KCNT1: variants seen among roughly 807,000 people sequenced by gnomAD.
The protein encoded by KCNT1 is potassium sodium-activated channel subfamily T member 1.
Under a neutral mutation model 147.8 loss-of-function variants are expected in KCNT1, and 78 were observed. The observed-to-expected ratio is 0.53, with a 90% CI of 0.44 to 0.64. The LOEUF is 0.64. Ranked by LOEUF, KCNT1 falls within the 30% of genes least tolerant of loss-of-function variation. The probability of loss-of-function intolerance (pLI) is 0.00; values close to 1 mark genes in which losing one functional copy is unlikely to be tolerated. For missense variants in KCNT1, 1,419 were observed against 1,750.3 expected, an observed-to-expected ratio of 0.81 and a Z score of 3.38; for synonymous variants, 867 against 748.8, an observed-to-expected ratio of 1.16 and a Z score of -2.58.
In KCNT1 at chr9:135,765,044, T is replaced by C. The variant is rs1329791962; in HGVS notation, c.1049T>C (p.Val350Ala). The C allele has an allele frequency of 6.2e-7, 1 of 1,609,090 alleles. No individual in the cohort carries two copies. The highest frequency in any genetic ancestry group is 8.5e-7 in the Non-Finnish European group (1 of 1,176,466). The change falls in exon 12 of 31, where the codon GTC becomes GCC. Residue 350 changes from valine (V) to alanine (A), a missense_variant. This residue lies in a region of KCNT1 where 401 missense variants were observed against 610.6 expected (regional missense o/e 0.66). Transcript: ENST00000371757. ...VVLPLQFEEL[V>A]YLWMERQKSG... ...TCTCACCTGCAGTTCGAGGAGCTCG[T>C]CTACCTCTGGATGGAGCGGCAGAAG...
intron 21 of KCNT1, 28 bp downstream of exon 21, chr9:135,777,538 C>T (rs368296747): frequency 1.6e-5 from 25 of 1,600,556 alleles, no homozygotes; most frequent in African/African-American, 1.3e-4. Context: ...CAGCCCACCC[C>T]GCCCACCCGG....
chr9:135,716,833 T>C (rs1157474171), intron 2 of KCNT1, among the ~76,000 whole-genome samples: 1 of 152,234 alleles, frequency 6.6e-6, no homozygotes, highest in Admixed American at 6.5e-5. Flanking sequence ...TGGTTGGAAA[T>C]GAAGTATACA....
At chr9:135,724,244 G>A (rs890440987) in intron 2 of KCNT1, among the ~76,000 whole-genome samples, 5 of 152,244 alleles carry the variant, frequency 3.3e-5, no homozygotes, top group African/African-American at 9.6e-5. Flanking sequence ...TTTCATCCCC[G>A]GAGGCCAGGC....
intron 16 of KCNT1, 29 bp downstream of exon 16, chr9:135,770,084 C>T (rs1236611139): frequency 1.3e-6 from 2 of 1,529,942 alleles, no homozygotes; most frequent in African/African-American, 1.4e-5. Context: ...GGGGGACCGA[C>T]CTCCATGGCG....
At chr9:135,764,848 A>G (rs142629489) in intron 11 of KCNT1, among the ~76,000 whole-genome samples, 183 bp from the exon 12 acceptor site, 3 of 152,150 alleles carry the variant, frequency 2.0e-5, no homozygotes, top group African/African-American at 7.2e-5. Flanking sequence ...GCTCTGTGTC[A>G]TCTGAGGCTA....
intron 29 of KCNT1, 126 bp downstream of exon 29, chr9:135,786,647 T>A: frequency 1.0e-6 from 1 of 955,264 alleles, no homozygotes; most frequent in South Asian, 1.8e-5. Context: ...TCTGTCTGTC[T>A]GTCAGCCTTT....
intron 2 of KCNT1, among the ~76,000 whole-genome samples, chr9:135,731,991 T>TATAGAGAG (rs1276318460): frequency 1.5e-3 from 33 of 21,698 alleles, no homozygotes; most frequent in African/African-American, 2.6e-3. Context: ...TATATATATA[T>TATAGAGAG]AGAGAGAGAG....
At chr9:135,784,496 T>TCCCCCCCCCCCCCCCC in intron 25 of KCNT1, 39 bp from the exon 26 acceptor site, 1 of 155,890 alleles carries the variant, frequency 6.4e-6, no homozygotes, top group Non-Finnish European at 1.2e-5. Context: ...CCTCCCTCCC[T>TCCCCCCCCCCCCCCCC]CCCTCCCTCC....
At chr9:135,761,727 A>G (rs1194471558) in intron 11 of KCNT1, among the ~76,000 whole-genome samples, 2 of 152,182 alleles carry the variant, frequency 1.3e-5, no homozygotes, top group African/African-American at 4.8e-5. Flanking sequence ...TGACCCATCC[A>G]GTCTCTGAAT....
intron 11 of KCNT1, among the ~76,000 whole-genome samples, 198 bp from the exon 12 acceptor site, chr9:135,764,833 G>A (rs936075152): frequency 2.6e-5 from 4 of 152,044 alleles, no homozygotes; most frequent in Non-Finnish European, 5.9e-5. Context: ...CCGGGCCTGC[G>A]TCCTGCTCTG....
chr9:135,735,013 C>T (rs1203544190), intron 2 of KCNT1, among the ~76,000 whole-genome samples: 2 of 152,200 alleles, frequency 1.3e-5, no homozygotes, highest in Non-Finnish European at 2.9e-5. Flanking sequence ...AGCCCAGCCT[C>T]ATTCTTTACA....
chr9:135,738,241 G>T (rs1263458124), intron 2 of KCNT1, among the ~76,000 whole-genome samples: 1 of 152,210 alleles, frequency 6.6e-6, no homozygotes, highest in South Asian at 2.1e-4. Context: ...GTTTCACATG[G>T]GTGGCCTCGC....
chr9:135,758,109 G>A, intron 9 of KCNT1, among the ~76,000 whole-genome samples: 2 of 150,870 alleles, frequency 1.3e-5, no homozygotes, highest in East Asian at 3.9e-4. Flanking sequence ...GCTGCCCCTT[G>A]GGCCTCAGCC....
At chr9:135,742,417 C>T (rs1383418527) in intron 2 of KCNT1, among the ~76,000 whole-genome samples, 1 of 152,180 alleles carries the variant, frequency 6.6e-6, no homozygotes, top group African/African-American at 2.4e-5. Flanking sequence ...GCCCTCTCCT[C>T]GAGTGTGGTT....
chr9:135,747,426 G>A (rs1257096238), intron 2 of KCNT1, among the ~76,000 whole-genome samples: 2 of 151,730 alleles, frequency 1.3e-5, no homozygotes, highest in Admixed American at 1.3e-4. Context: ...GGGGAGGAGG[G>A]CCTTGGGAGA....
At chr9:135,758,773 A>G (rs1318796907) in intron 10 of KCNT1, among the ~76,000 whole-genome samples, 2 of 152,218 alleles carry the variant, frequency 1.3e-5, no homozygotes, top group East Asian at 1.9e-4. Flanking sequence ...GGTCTATGCC[A>G]TGGACGTAGA....
chr9:135,743,333 ACTCCTGGG>A (rs1288835855), intron 2 of KCNT1, among the ~76,000 whole-genome samples: 1 of 151,870 alleles, frequency 6.6e-6, no homozygotes, highest in African/African-American at 2.4e-5. Flanking sequence ...GGCCCTGCGC[ACTCCTGGG>A]AAGCCCCCCG....
At chr9:135,785,590 C>T (rs567253867) in intron 28 of KCNT1, 12 of 611,994 alleles carry the variant, frequency 2.0e-5, no homozygotes, top group South Asian at 1.3e-4. Context: ...GGTGCACCCC[C>T]GCCCCCTCCC....
At chr9:135,748,762 G>A (rs113771468) in intron 2 of KCNT1, among the ~76,000 whole-genome samples, 3,082 of 152,342 alleles carry the variant, frequency 0.02, 73 homozygotes, top group Middle Eastern at 0.061. Flanking sequence ...TGGCCCTCGC[G>A]CTGCACTGGG....
Sources: allele counts gnomAD v4.1 joint callset (sites outside exome capture counted in the v4.1 genomes callset), GRCh38; gene constraint gnomAD v4.1.1; regional missense constraint gnomAD v4.1.1; transcripts MANE v1.5; gene names NCBI Gene and HGNC (gene_info 2026-07-23, HGNC 2026-07-21).